The following LRRC8D variants were observed in gnomAD, a reference collection of about 807,000 sequenced individuals.
LRRC8D encodes leucine rich repeat containing 8 VRAC subunit D.
A neutral mutation model predicts 55.8 loss-of-function variants in LRRC8D; 20 were observed. The observed-to-expected ratio is 0.36, with a 90% CI of 0.25 to 0.52. The LOEUF (loss-of-function observed/expected upper bound fraction) is 0.52, where lower values mean the gene tolerates loss of function less well. Ranked by LOEUF, LRRC8D falls within the 20% of genes least tolerant of loss-of-function variation. The pLI, the probability that LRRC8D is intolerant of heterozygous loss-of-function variation, is 0.93. For synonymous variants in LRRC8D, 352 were observed against 377.0 expected, an observed-to-expected ratio of 0.93 and a Z score of 0.77; for missense variants, 651 against 1,030.8, an observed-to-expected ratio of 0.63 and a Z score of 5.05.
At chr1:89,840,359 A>G (rs984336338) in intron 1 of LRRC8D, among the ~76,000 whole-genome samples, 2 of 152,164 alleles carry the variant, frequency 1.3e-5, no homozygotes, top group African/African-American at 4.8e-5. Context: ...GGTAGTTAGG[A>G]TTAGGAAATG....
At chr1:89,850,217 T>C (rs1378511151) in intron 2 of LRRC8D, among the ~76,000 whole-genome samples, 1 of 152,220 alleles carries the variant, frequency 6.6e-6, no homozygotes, top group Non-Finnish European at 1.5e-5. Context: ...CTGAGATCTC[T>C]ATTTGGTTCC....
chr1:89,869,703 C>T (rs1661946665), intron 2 of LRRC8D, among the ~76,000 whole-genome samples: 1 of 152,162 alleles, frequency 6.6e-6, no homozygotes, highest in African/African-American at 2.4e-5. Context: ...TAAGGGCAAC[C>T]AGAGAGAAAG....
At chr1:89,834,128 G>T (rs1660949668) in intron 1 of LRRC8D, among the ~76,000 whole-genome samples, 1 of 152,206 alleles carries the variant, frequency 6.6e-6, no homozygotes, top group Non-Finnish European at 1.5e-5. Flanking sequence ...AGTACAAATA[G>T]AATAGGAATA....
intron 2 of LRRC8D, among the ~76,000 whole-genome samples, chr1:89,849,418 G>A (rs941843992): frequency 1.3e-5 from 2 of 151,702 alleles, no homozygotes; most frequent in Non-Finnish European, 2.9e-5. Context: ...TGCGTACTAG[G>A]AACTGCATAA....
At chr1:89,853,736 T>A (rs1661481178) in intron 2 of LRRC8D, among the ~76,000 whole-genome samples, 1 of 152,000 alleles carries the variant, frequency 6.6e-6, no homozygotes, top group Non-Finnish European at 1.5e-5. Flanking sequence ...TATAGGAGAT[T>A]GGATCTGACA....
intron 2 of LRRC8D, among the ~76,000 whole-genome samples, chr1:89,889,141 A>G (rs569862155): frequency 6.6e-6 from 1 of 152,194 alleles, no homozygotes; most frequent in Admixed American, 6.5e-5. Flanking sequence ...TATGCTTGAT[A>G]TGATGTGATG....
Position 89,920,960 on chromosome 1 carries a change from G to A in LRRC8D, c.-2-12107G>A, listed in dbSNP as rs562582244. Among the ~76,000 whole-genome samples, 3 of 152,320 alleles carry A rather than the reference G, an allele frequency of 2.0e-5. No homozygotes were observed. The East Asian group carries it at 5.8e-4, about 29-fold the overall frequency. ...AGATTTGAGAATTTGATCCTCGTAA[G>A]TCTCTTGCATGTTCTCCATTTGCCC... On this transcript the variant is annotated intron_variant, in intron 2 of 2. Transcript: ENST00000337338.
chr1:89,932,746 C>T (rs1408933059), intron 2 of LRRC8D, among the ~76,000 whole-genome samples: 2 of 152,208 alleles, frequency 1.3e-5, no homozygotes, highest in Non-Finnish European at 2.9e-5. Context: ...TCAGTCTTAA[C>T]CTTTAATGAG....
In LRRC8D at chr1:89,828,991, A is replaced by G. The variant is rs557622547; in HGVS notation, c.-148+7700A>G. ...GCTGTGTCTCAAAATCTCTCATGCTATAGAGATAGGACAGAACTCTTCAGA... is the reference window on the plus strand; with the variant it reads ...GCTGTGTCTCAAAATCTCTCATGCTGTAGAGATAGGACAGAACTCTTCAGA... On this transcript the variant is annotated intron_variant, in intron 1 of 2. Transcript: ENST00000337338. Among the ~76,000 whole-genome samples, 9 of 152,306 alleles carry G rather than the reference A, an allele frequency of 5.9e-5. No homozygotes were observed. In the East Asian group the frequency reaches 9.6e-4, roughly 16 times the overall value.
At chr1:89,868,293 G>T (rs1372395662) in intron 2 of LRRC8D, among the ~76,000 whole-genome samples, 1 of 152,166 alleles carries the variant, frequency 6.6e-6, no homozygotes, top group Non-Finnish European at 1.5e-5. Flanking sequence ...ATCATAAAAT[G>T]TAAGGATTAG....
At chr1:89,882,415 C>G (rs1662307303) in intron 2 of LRRC8D, among the ~76,000 whole-genome samples, 1 of 152,182 alleles carries the variant, frequency 6.6e-6, no homozygotes, top group Non-Finnish European at 1.5e-5. Context: ...TGAGTCTACT[C>G]AAGGGTAAGC....
Position 89,920,664 on chromosome 1 carries a change from C to T in LRRC8D, c.-2-12403C>T, listed in dbSNP as rs116521528. Among the ~76,000 whole-genome samples, 790 of 139,738 alleles carry T rather than the reference C, an allele frequency of 5.7e-3. 12 individuals are homozygous for T. Among genetic ancestry groups the T allele is most frequent in the African/African-American group, 0.02 (751 of 37,634 alleles). 91.7% of individuals were successfully genotyped at this position (139,738 alleles called of 152,430 possible). On this transcript the variant is annotated intron_variant, in intron 2 of 2. Transcript: ENST00000337338. ...CTTGTAATACCCATAACTATTAACACTTAAATAATACAGTAATACAGAGGC... is the reference window on the plus strand; with the variant it reads ...CTTGTAATACCCATAACTATTAACATTTAAATAATACAGTAATACAGAGGC...
At chr1:89,896,318 G>T (rs779787775) in intron 2 of LRRC8D, among the ~76,000 whole-genome samples, 1 of 152,120 alleles carries the variant, frequency 6.6e-6, no homozygotes, top group Non-Finnish European at 1.5e-5. Context: ...TTCTGGAGGA[G>T]CCCTTAGAGA....
chr1:89,878,425 G>A (rs1336753280), intron 2 of LRRC8D, among the ~76,000 whole-genome samples: 1 of 152,204 alleles, frequency 6.6e-6, no homozygotes, highest in Admixed American at 6.5e-5. Context: ...TAGATGGCAA[G>A]AGGTATTTTC....
chr1:89,851,725 G>A (rs1208273529), intron 2 of LRRC8D, among the ~76,000 whole-genome samples: 3 of 152,032 alleles, frequency 2.0e-5, no homozygotes, highest in Non-Finnish European at 4.4e-5. Context: ...GCGCAGGCTG[G>A]TCTCAAACTC....
At chr1:89,825,213 G>A (rs968000647) in intron 1 of LRRC8D, among the ~76,000 whole-genome samples, 1 of 152,136 alleles carries the variant, frequency 6.6e-6, no homozygotes, top group African/African-American at 2.4e-5. Context: ...GGGCTCTATT[G>A]GTCCTATATG....
At chr1:89,913,532 A>G (rs769423014) in intron 2 of LRRC8D, among the ~76,000 whole-genome samples, 6 of 152,218 alleles carry the variant, frequency 3.9e-5, no homozygotes, top group Non-Finnish European at 8.8e-5. Context: ...TAAATTTAAA[A>G]GACAGTTTGT....
chr1:89,892,156 A>G (rs533813505), intron 2 of LRRC8D, among the ~76,000 whole-genome samples: 33 of 152,356 alleles, frequency 2.2e-4, no homozygotes, highest in African/African-American at 7.0e-4. Context: ...TGAAGCTCAC[A>G]ATGATAAAAT....
chr1:89,935,212 A>C lies in LRRC8D; in HGVS notation c.2144A>C (p.Asn715Thr). 1 of 1,614,164 alleles carries C rather than the reference A, an allele frequency of 6.2e-7. No individual in the cohort carries two copies. Among genetic ancestry groups the C allele is most frequent in the Non-Finnish European group, 8.5e-7 (1 of 1,180,008 alleles). The change falls in exon 3 of 3, where the codon AAC (asparagine) becomes ACC (threonine). Residue 715 changes from asparagine (N) to threonine (T), a missense_variant. Asn to Thr is a moderately conservative substitution (Grantham distance 65). Around this residue, in one of 5 missense-constraint regions of LRRC8D, gnomAD observed 338 missense variants for 479.4 expected, o/e 0.71. Coordinates refer to ENST00000337338, the MANE Select transcript of LRRC8D (RefSeq NM_001134479.2). ...AACTTGGAGTCACTTTATTTCTCTAACAACAAGCTCGAATCCTTACCAGTG... is the reference window on the plus strand; with the variant it reads ...AACTTGGAGTCACTTTATTTCTCTACCAACAAGCTCGAATCCTTACCAGTG... The part of the protein sequence containing the change: ...VKNLESLYFS[N>T]NKLESLPVAV...
Sources: allele counts gnomAD v4.1 joint callset (sites outside exome capture counted in the v4.1 genomes callset), GRCh38; gene constraint gnomAD v4.1.1; regional missense constraint gnomAD v4.1.1; transcripts MANE v1.5; gene names NCBI Gene and HGNC (gene_info 2026-07-23, HGNC 2026-07-21).